ADRA1A: variants seen among roughly 807,000 people sequenced by gnomAD.
ADRA1A encodes the protein alpha-1A adrenergic receptor.
Under a neutral mutation model 29.6 loss-of-function variants are expected in ADRA1A, and 31 were observed. The observed-to-expected ratio is 1.05, with a 90% CI of 0.79 to 1.41. ADRA1A has a LOEUF of 1.41. Among genes scored for constraint, ADRA1A ranks in the 40% most tolerant of loss-of-function variants. The pLI is 0.00. For synonymous variants in ADRA1A, 311 were observed against 254.3 expected, an observed-to-expected ratio of 1.22 and a Z score of -2.12; for missense variants, 619 against 601.1, an observed-to-expected ratio of 1.03 and a Z score of -0.31.
At chr8:26,765,812 A>G, downstream of ADRA1A, 3 of 1,334,418 alleles carry the variant, frequency 2.2e-6, no homozygotes, top group Admixed American at 3.1e-5. Context: ...CCCCAGAAGC[A>G]ATTGAGAAAG....
chr8:26,752,823 T>C (rs1343684192), downstream of ADRA1A, among the ~76,000 whole-genome samples: 3 of 152,198 alleles, frequency 2.0e-5, no homozygotes, highest in African/African-American at 7.2e-5. Context: ...AACCTGTAAT[T>C]GCTGAGTGCT....
intron 2 of ADRA1A, among the ~76,000 whole-genome samples, chr8:26,853,120 T>C (rs1404997213): frequency 1.3e-5 from 2 of 150,112 alleles, no homozygotes; most frequent in Non-Finnish European, 3.0e-5. Flanking sequence ...TTGAATAATA[T>C]TAAAAATGCA....
At chr8:26,853,845 A>G (rs541158085) in intron 2 of ADRA1A, 1 of 152,382 alleles carries the variant, frequency 6.6e-6, no homozygotes, top group African/African-American at 2.4e-5. Flanking sequence ...GACTATATAA[A>G]TATTTTAAAT....
chr8:26,793,268 A>G (rs1166348506), intron 2 of ADRA1A, among the ~76,000 whole-genome samples: 2 of 152,026 alleles, frequency 1.3e-5, no homozygotes, highest in East Asian at 3.8e-4. Flanking sequence ...TAGATGACTA[A>G]GATACAGACA....
chr8:26,834,857 T>G (rs550303766), intron 2 of ADRA1A, among the ~76,000 whole-genome samples: 19 of 152,204 alleles, frequency 1.2e-4, no homozygotes, highest in Middle Eastern at 3.2e-3. Context: ...CATACAGACT[T>G]CTATTTTAAT....
At position 26,796,984 on chromosome 8, in the gene ADRA1A, C is replaced by T. The variant is rs1808232983; in HGVS notation, c.884-26318G>A. On this transcript the variant is annotated intron_variant, in intron 2 of 2. Coordinates refer to ENST00000380573, the MANE Select transcript of ADRA1A (RefSeq NM_000680.4). This position sits in a 1 kb window ranked among gnomAD's most constrained non-coding sequence, Gnocchi z 5.0. ...AGAGCATGAGTTCTCTCAGCGTTCT[C>T]CTCCAAAGGGTCTGCAAGGTGAACA... Among the ~76,000 whole-genome samples the T allele has an allele frequency of 6.6e-6, 1 of 152,096 alleles. No individual in the cohort carries two copies. Among genetic ancestry groups the T allele is most frequent in the Non-Finnish European group, 1.5e-5 (1 of 68,010 alleles).
rs556158813 is a variant in ADRA1A at position 26,864,398 on chromosome 8, C to T, written c.572G>A (p.Gly191Asp). The T allele has an allele frequency of 6.2e-7, 1 of 1,613,576 alleles. No homozygotes were observed. The highest frequency in any genetic ancestry group is 1.1e-5 in the South Asian group (1 of 91,078). The change falls in exon 2 of 3, where the codon GGC becomes GAC. Residue 191 changes from glycine (G) to aspartate (D), a missense_variant. Transcript: ENST00000380573. This position sits in a 1 kb window ranked among gnomAD's most constrained non-coding sequence, Gnocchi z 8.1. ...GATGGCCAGAGGCAGGTAGAAGGAG[C>T]CCAGCGCTGAGAAGAGCACGTAGCC... ...EPGYVLFSAL[G>D]SFYLPLAIIL...
At chr8:26,788,220 G>A (rs1807546410) in intron 2 of ADRA1A, among the ~76,000 whole-genome samples, 1 of 152,056 alleles carries the variant, frequency 6.6e-6, no homozygotes, top group South Asian at 2.1e-4. Flanking sequence ...TTTTTTTCAA[G>A]GCTAAGTTGA....
At chr8:26,829,831 C>T (rs572879468) in intron 2 of ADRA1A, among the ~76,000 whole-genome samples, 24 of 152,190 alleles carry the variant, frequency 1.6e-4, no homozygotes, top group African/African-American at 5.1e-4. Flanking sequence ...GACAGCCCCA[C>T]GCTGCCCCTG....
At chr8:26,790,096 A>G (rs1024476250) in intron 2 of ADRA1A, among the ~76,000 whole-genome samples, 1 of 152,188 alleles carries the variant, frequency 6.6e-6, no homozygotes, top group African/African-American at 2.4e-5. Context: ...CCAGCAATCC[A>G]GCTACTGGGT....
At chr8:26,776,061 T>C (rs1806525609) in intron 2 of ADRA1A, among the ~76,000 whole-genome samples, 1 of 152,178 alleles carries the variant, frequency 6.6e-6, no homozygotes, top group Non-Finnish European at 1.5e-5. Flanking sequence ...GAGTCACCTT[T>C]TACAGTTATA....
At chr8:26,819,601 A>G (rs902980345) in intron 2 of ADRA1A, among the ~76,000 whole-genome samples, 1 of 152,168 alleles carries the variant, frequency 6.6e-6, no homozygotes, top group Non-Finnish European at 1.5e-5. Context: ...CATGGTAATC[A>G]CAAAGCAAAA....
exon 3 of ADRA1A, chr8:26,756,645 G>A (rs1227764371): frequency 1.3e-6 from 2 of 1,597,482 alleles, no homozygotes; most frequent in African/African-American, 2.7e-5. Flanking sequence ...GTCAGGCAAG[G>A]CTCCTGGGCT....
chr8:26,828,497 C>G (rs1040824753), intron 2 of ADRA1A, among the ~76,000 whole-genome samples: 6 of 152,140 alleles, frequency 3.9e-5, no homozygotes, highest in African/African-American at 1.4e-4. Flanking sequence ...TCATTAACAC[C>G]TTAACCTAAA....
chr8:26,853,114 A>G (rs578161954), intron 2 of ADRA1A, among the ~76,000 whole-genome samples: 2 of 150,410 alleles, frequency 1.3e-5, no homozygotes, highest in Admixed American at 1.3e-4. Context: ...TTTTTATTGA[A>G]TAATATTAAA....
intron 2 of ADRA1A, among the ~76,000 whole-genome samples, chr8:26,847,549 T>C (rs574225369): frequency 3.3e-5 from 5 of 152,364 alleles, no homozygotes; most frequent in African/African-American, 1.2e-4. Context: ...CGCAGTCCAC[T>C]TGTAGACAGT....
rs1057053446 is a variant in ADRA1A at position 26,805,465 on chromosome 8, A to G, written c.884-34799T>C. ...AAGACTCTGGGTAATACAAGACTGAATACTTACTGCGTGTCCACTCTATGC... is the reference window on the plus strand; with the variant it reads ...AAGACTCTGGGTAATACAAGACTGAGTACTTACTGCGTGTCCACTCTATGC... On this transcript the variant is annotated intron_variant, in intron 2 of 2. Coordinates refer to ENST00000380573, the MANE Select transcript of ADRA1A (RefSeq NM_000680.4). The surrounding 1 kb of genome is among the most constrained non-coding windows in gnomAD (Gnocchi z 4.8). Among the ~76,000 whole-genome samples the G allele has an allele frequency of 1.3e-5, 2 of 152,216 alleles. No homozygotes were observed. Among genetic ancestry groups the G allele is most frequent in the African/African-American group, 4.8e-5 (2 of 41,460 alleles).
At position 26,775,512 on chromosome 8, in the gene ADRA1A, C is replaced by T. The variant is rs1806480011; in HGVS notation, c.884-4846G>A. On this transcript the variant is annotated intron_variant, in intron 2 of 2. Transcript: ENST00000380573. The surrounding 1 kb of genome is among the most constrained non-coding windows in gnomAD (Gnocchi z 4.1). The stretch of plus-strand genomic sequence containing the variant: ...CAAATCACCCACATGAGAATAGGGG[C>T]TCCTACTTCTTTGGTCACCGTAGCT... 6.6e-6 allele frequency among the ~76,000 whole-genome samples: 1 copy of T among 152,152 alleles called. No individual in the cohort carries two copies.
chr8:26,854,423 C>CGGGGGG (rs1220019339), intron 2 of ADRA1A: 1 of 26,764 alleles, frequency 3.7e-5, no homozygotes. Context: ...TAAAGCGGGG[C>CGGGGGG]GGGGGGGGGG....
Sources: allele counts gnomAD v4.1 joint callset (sites outside exome capture counted in the v4.1 genomes callset), GRCh38; gene constraint gnomAD v4.1.1; non-coding constraint Gnocchi (gnomAD v3.1); transcripts MANE v1.5; gene names NCBI Gene and HGNC (gene_info 2026-07-23, HGNC 2026-07-21).